Variants in MAP3K1 observed in about 807,000 individuals in gnomAD.
MAP3K1 encodes the protein MAP/ERK kinase kinase 1.
Under a neutral mutation model 144.2 loss-of-function variants are expected in MAP3K1, and 36 were observed. The observed-to-expected ratio is 0.25, with a 90% CI of 0.19 to 0.33. The LOEUF (loss-of-function observed/expected upper bound fraction) is 0.33, where lower values mean the gene tolerates loss of function less well. Among genes scored for constraint, MAP3K1 ranks in the 10% least tolerant of loss-of-function variants. MAP3K1 has a pLI of 1.00. For missense variants in MAP3K1, 1,650 were observed against 1,881.9 expected (o/e 0.88, Z 2.28); for synonymous variants, 718 against 688.7 (o/e 1.04, Z -0.67).
intron 2 of MAP3K1, among the ~76,000 whole-genome samples, chr5:56,857,673 A>G (rs1747381903): frequency 6.6e-6 from 1 of 152,224 alleles, no homozygotes; most frequent in Admixed American, 6.5e-5. Context: ...CTACATTTCA[A>G]ATGCTCAGTA....
At chr5:56,863,653 A>C (rs1747586517) in intron 3 of MAP3K1, among the ~76,000 whole-genome samples, 1 of 152,224 alleles carries the variant, frequency 6.6e-6, no homozygotes, top group Non-Finnish European at 1.5e-5. Flanking sequence ...TCTTGAGTTT[A>C]TACCTAGGAA....
At chr5:56,871,502 T>A (rs1747851739) in intron 6 of MAP3K1, among the ~76,000 whole-genome samples, 2 of 152,156 alleles carry the variant, frequency 1.3e-5, no homozygotes, top group Admixed American at 1.3e-4. Context: ...GCATTTAAAT[T>A]TAGGATGTGG....
At chr5:56,861,898 T>A (rs954386182) in intron 3 of MAP3K1, among the ~76,000 whole-genome samples, 3 of 152,138 alleles carry the variant, frequency 2.0e-5, no homozygotes, top group African/African-American at 7.2e-5. Context: ...GTTTGGGTTT[T>A]TTTTTAAGAT....
In MAP3K1 at chr5:56,859,827, G is replaced by A. The variant is rs746479827; in HGVS notation, c.746G>A (p.Arg249His). Residue 249 changes from arginine (R) to histidine (H), a missense_variant, in exon 3 of 20, where the codon CGC (arginine) becomes CAC (histidine). Physicochemically the swap from Arg to His is conservative, Grantham distance 29. Coordinates refer to ENST00000399503, the MANE Select transcript of MAP3K1 (RefSeq NM_005921.2). ...SAASPASKGR[R>H]SPSPGNSPSG... ...GCTTCACCAGCTTCCAAAGGCCGAC[G>A]CAGTCCTTCTCCTGGCAACTCCCCA... The A allele has an allele frequency of 1.6e-5, 26 of 1,613,778 alleles. No individual in the cohort carries two copies. The East Asian group carries it at 2.2e-4, about 14-fold the overall frequency.
At chr5:56,834,290 G>C (rs112393390) in intron 1 of MAP3K1, among the ~76,000 whole-genome samples, 7 of 152,298 alleles carry the variant, frequency 4.6e-5, no homozygotes, top group African/African-American at 1.7e-4. Flanking sequence ...GTAAATGCTG[G>C]AGCCAGGGGA....
chr5:56,878,443 G>A (rs1263606758), intron 10 of MAP3K1, among the ~76,000 whole-genome samples: 1 of 152,026 alleles, frequency 6.6e-6, no homozygotes, highest in Admixed American at 6.5e-5. Context: ...CACAACTAAA[G>A]TATAATTTAA....
Position 56,893,794 on chromosome 5 carries a change from G to A in MAP3K1, c.*114G>A, listed in dbSNP as rs1361679373. 4.4e-6 allele frequency: 5 copies of A among 1,139,998 alleles called. No individual in the cohort carries two copies. The Middle Eastern group carries it at 7.6e-4, about 173-fold the overall frequency. 70.6% of individuals were successfully genotyped at this position (1,139,998 alleles called of 1,614,324 possible). A position where few individuals can be genotyped will look rare whatever the true frequency, so the allele number is the denominator to read the frequency against. ...ATGATGCCACTGAACAGCTATGAACGAGGCCAGTGGGGAACCCTTACCTAA... is the reference window on the plus strand; with the variant it reads ...ATGATGCCACTGAACAGCTATGAACAAGGCCAGTGGGGAACCCTTACCTAA... On this transcript the variant is annotated 3_prime_UTR_variant, in exon 20 of 20. Transcript: ENST00000399503.
At position 56,894,391 on chromosome 5, in the gene MAP3K1, A is replaced by G. The variant is rs1579793699; in HGVS notation, c.*711A>G. ...ACCAGAAAAAAAAAATGAACTAGAT[A>G]TGAAGTAGAGTTCATTAAATATCTT... is the stretch of plus-strand genomic sequence containing the variant. On this transcript the variant is annotated 3_prime_UTR_variant, in exon 20 of 20. Coordinates refer to ENST00000399503, the MANE Select transcript of MAP3K1 (RefSeq NM_005921.2). The G allele has an allele frequency of 4.3e-6, 1 of 232,582 alleles. No individual in the cohort carries two copies. The highest frequency in any genetic ancestry group is 6.1e-5 in the East Asian group (1 of 16,400). The allele number at this position is 232,582 out of a possible 1,614,324, so 14.4% of individuals were successfully genotyped here.
chr5:56,878,904 A>C (rs907992742), intron 10 of MAP3K1, 76 bp from the exon 11 acceptor site: 3 of 1,337,482 alleles, frequency 2.2e-6, no homozygotes, highest in Non-Finnish European at 3.2e-6. Flanking sequence ...TTGTTGCTCA[A>C]ATTGTCTCAA....
Position 56,880,995 on chromosome 5 carries a change from TG to T in MAP3K1, c.2180-87del, listed in dbSNP as rs1472913014. ...TCTTTAAAATAGTTCAGAATATTTTTGTTGGCCTTACACCATTTAATCATGT... is the reference window on the plus strand; with the variant it reads ...TCTTTAAAATAGTTCAGAATATTTTTTTGGCCTTACACCATTTAATCATGT... On this transcript the variant is annotated intron_variant, in intron 12 of 19. Coordinates refer to ENST00000399503, the MANE Select transcript of MAP3K1 (RefSeq NM_005921.2). The T allele has an allele frequency of 6.0e-6, 7 of 1,159,862 alleles. No homozygotes were observed. In the African/African-American group the frequency reaches 1.1e-4, roughly 18 times the overall value. The allele number at this position is 1,159,862 out of a possible 1,614,324, so 71.8% of individuals were successfully genotyped here.
intron 17 of MAP3K1, 114 bp downstream of exon 17, chr5:56,886,177 G>A (rs1347349043): frequency 2.4e-6 from 2 of 828,154 alleles, no homozygotes; most frequent in African/African-American, 3.4e-5. Flanking sequence ...GTGAAGGCAG[G>A]TGGATCACTT....
At position 56,856,666 on chromosome 5, in the gene MAP3K1, A is replaced by C; in HGVS notation, c.549A>C (p.Arg183=). ...AGATGGATGATCGTCCAGAGGAACG[A>C]ATGATCAGGGAGAAACTGAAGGCAA... The part of the protein sequence containing the change: ...LHKMDDRPEE[R]MIREKLKATC... The change falls in exon 2 of 20, where the codon CGA becomes CGC. Residue 183 remains arginine, a synonymous_variant. Transcript: ENST00000399503. 1 of 1,614,034 alleles carries C rather than the reference A, an allele frequency of 6.2e-7. No homozygotes were observed. The highest frequency in any genetic ancestry group is 2.2e-5 in the East Asian group (1 of 44,872).
chr5:56,882,756 G>A lies in MAP3K1; in HGVS notation c.3556G>A (p.Glu1186Lys), dbSNP rs2111948167. 1 of 1,612,360 alleles carries A rather than the reference G, an allele frequency of 6.2e-7. No homozygotes were observed. Among genetic ancestry groups the A allele is most frequent in the Admixed American group, 1.7e-5 (1 of 59,750 alleles). ...KCKEKMEAEE[E>K]EALAIAMAMS... ...CAAAGAGAAGATGGAAGCTGAAGAAGAAGAAGCTTTAGCAATTGCCATGGC... is the reference window on the plus strand; with the variant it reads ...CAAAGAGAAGATGGAAGCTGAAGAAAAAGAAGCTTTAGCAATTGCCATGGC... The change falls in exon 14 of 20, where the codon GAA (glutamate) becomes AAA (lysine). Residue 1186 changes from glutamate (E) to lysine (K), a missense_variant. Physicochemically the swap from Glu to Lys is moderately conservative, Grantham distance 56. Coordinates refer to ENST00000399503, the MANE Select transcript of MAP3K1 (RefSeq NM_005921.2).
rs1309018465 is a variant in MAP3K1, at chr5:56,893,575, T to C, written c.4434T>C (p.Ser1478=). 2.5e-6 allele frequency: 4 copies of C among 1,613,924 alleles called. No individual in the cohort carries two copies. In the African/African-American group the frequency reaches 5.3e-5, roughly 22 times the overall value. ...CTCCATCGATCCCTTCACATTTGTC[T>C]CCTGGTTTACGAGATGTGGCTCTTC... is the stretch of plus-strand genomic sequence containing the variant. ...TTAPSIPSHL[S]PGLRDVALRC... is the part of the protein sequence containing the mutation. Residue 1478 remains serine, a synonymous_variant, in exon 20 of 20, where the codon TCT becomes TCC. Transcript: ENST00000399503.
At chr5:56,824,153 G>A (rs1038388938) in intron 1 of MAP3K1, among the ~76,000 whole-genome samples, 2 of 152,158 alleles carry the variant, frequency 1.3e-5, no homozygotes, top group African/African-American at 4.8e-5. Flanking sequence ...TGAGATTGCA[G>A]AAGCCAAGAA....
intron 1 of MAP3K1, among the ~76,000 whole-genome samples, chr5:56,818,137 C>G (rs1746037215): frequency 6.6e-6 from 1 of 152,064 alleles, no homozygotes; most frequent in African/African-American, 2.4e-5. Flanking sequence ...GATTCCCTAA[C>G]CTTATGAAAT....
chr5:56,838,905 G>GTT (rs1204898650), intron 1 of MAP3K1, among the ~76,000 whole-genome samples: 1 of 152,146 alleles, frequency 6.6e-6, no homozygotes, highest in African/African-American at 2.4e-5. Flanking sequence ...TTTTTGTTTT[G>GTT]TTTTGTTTTG....
Position 56,864,325 on chromosome 5 carries a change from G to T in MAP3K1, c.835-409G>T, listed in dbSNP as rs1747607839. On this transcript the variant is annotated intron_variant, in intron 3 of 19. Coordinates refer to ENST00000399503, the MANE Select transcript of MAP3K1 (RefSeq NM_005921.2). ...ATATTTTAAATCTGACATTTTTTCA[G>T]ACTATAATCTGCCACATGACTGTCT... Among the ~76,000 whole-genome samples, 5 of 151,008 alleles carry T rather than the reference G, an allele frequency of 3.3e-5. No individual in the cohort carries two copies. The South Asian group carries it at 1.0e-3, about 32-fold the overall frequency.
At chr5:56,822,145 G>C (rs763346173) in intron 1 of MAP3K1, among the ~76,000 whole-genome samples, 3 of 152,052 alleles carry the variant, frequency 2.0e-5, no homozygotes, top group Non-Finnish European at 4.4e-5. Context: ...CTAGCCTCCC[G>C]AGTAGCTTGC....
Sources: gnomAD v4.1 joint callset for allele counts (sites outside exome capture counted in the v4.1 genomes callset) on GRCh38, gnomAD v4.1.1 for gene constraint, MANE v1.5 for transcripts, NCBI Gene and HGNC (gene_info 2026-07-23, HGNC 2026-07-21) for gene names.